The following PDE10A variants were observed in gnomAD, a reference collection of about 807,000 sequenced individuals.
PDE10A encodes the protein cAMP and cAMP-inhibited cGMP 3',5'-cyclic phosphodiesterase 10A.
PDE10A carries 39 observed loss-of-function variants against 97.7 expected under a neutral mutation model. The observed-to-expected ratio is 0.40, with a 90% CI of 0.31 to 0.52. PDE10A has a LOEUF of 0.52. PDE10A is among the 20% of genes least tolerant of loss of function. The probability of loss-of-function intolerance (pLI) is 0.56; values close to 1 mark genes in which losing one functional copy is unlikely to be tolerated. For missense variants in PDE10A, 731 were observed against 1,047.8 expected, an observed-to-expected ratio of 0.70 and a Z score of 4.17; for synonymous variants, 371 against 376.8, an observed-to-expected ratio of 0.98 and a Z score of 0.18.
intron 1 of PDE10A, among the ~76,000 whole-genome samples, chr6:165,650,928 G>A (rs1425135776): frequency 6.6e-6 from 1 of 152,132 alleles, no homozygotes; most frequent in African/African-American, 2.4e-5. Flanking sequence ...AGTAGAAATG[G>A]GTTTTCACCA....
intron 1 of PDE10A, among the ~76,000 whole-genome samples, chr6:165,911,857 G>A (rs1002550462): frequency 6.6e-6 from 1 of 152,148 alleles, no homozygotes; most frequent in Non-Finnish European, 1.5e-5. Context: ...TTTCCAAGGT[G>A]CTGTCCGGAG....
intron 1 of PDE10A, among the ~76,000 whole-genome samples, chr6:165,617,491 A>G (rs1415178511): frequency 6.6e-6 from 1 of 152,170 alleles, no homozygotes; most frequent in Non-Finnish European, 1.5e-5. Context: ...AATATGAACA[A>G]TTAAAATAAG....
chr6:165,567,994 A>ATTTTTTTTTTTTTTTTTTTTTTTTTT (rs386409260), intron 1 of PDE10A, among the ~76,000 whole-genome samples: 1 of 130,650 alleles, frequency 7.7e-6, no homozygotes. Flanking sequence ...GCAACAAGGC[A>ATTTTTTTTTTTTTTTTTTTTTTTTTT]TTTTTTTTTT....
intron 1 of PDE10A, among the ~76,000 whole-genome samples, chr6:165,646,583 G>T (rs367920176): frequency 6.6e-6 from 1 of 152,132 alleles, no homozygotes; most frequent in Non-Finnish European, 1.5e-5. Context: ...CATTCAGCAC[G>T]CGCTCAGTGA....
intron 8 of PDE10A, 135 bp downstream of exon 8, chr6:165,431,287 C>A (rs1183373239): frequency 4.0e-6 from 2 of 504,240 alleles, no homozygotes; most frequent in Non-Finnish European, 7.2e-6. Context: ...GTTAAAATTT[C>A]TAGAAATAAC....
chr6:165,406,228 A>ATGTGTGTGTGTGTG (rs3839483), intron 13 of PDE10A, among the ~76,000 whole-genome samples: 30,060 of 140,158 alleles, frequency 0.21, 3,244 homozygotes, highest in Middle Eastern at 0.29. Flanking sequence ...AGGGAAAAGG[A>ATGTGTGTGTGTGTG]TGTGTGTGTG....
intron 3 of PDE10A, among the ~76,000 whole-genome samples, chr6:165,457,065 A>G (rs938278059): frequency 2.0e-5 from 3 of 152,200 alleles, no homozygotes; most frequent in African/African-American, 7.2e-5. Flanking sequence ...TGAGGAGACA[A>G]ATTACGTGAA....
rs1336794349 is a variant in PDE10A, at chr6:165,836,585, A to G, written c.-615+150944T>C. On this transcript the variant is annotated intron_variant, in intron 1 of 19. Coordinates refer to the PDE10A transcript ENST00000366882. ...ATCTATGTACCAGGTTGTCTTCCAG[A>G]TGGGTCATTCAGAGAATCCTGCCTC... Among the ~76,000 whole-genome samples, 2 of 152,196 alleles carry G rather than the reference A, an allele frequency of 1.3e-5. 1 individual carries two copies. The highest frequency in any genetic ancestry group is 3.9e-4 in the East Asian group (2 of 5,184).
intron 1 of PDE10A, among the ~76,000 whole-genome samples, chr6:165,634,157 A>T (rs932893584): frequency 1.3e-5 from 2 of 152,082 alleles, no homozygotes; most frequent in Admixed American, 1.3e-4. Context: ...TTTTAGTATA[A>T]TTTCAGGCCA....
rs932170492 is a variant in PDE10A at position 165,683,962 on chromosome 6, G to A, written c.-614-140394C>T. ...CCTCAGATATACCAGGTACTGAGAC[G>A]GAAGCCTTGAGGCCTGAACACCTGC... On this transcript the variant is annotated intron_variant, in intron 1 of 19. Transcript: ENST00000366882. Among the ~76,000 whole-genome samples the A allele has an allele frequency of 6.6e-5, 10 of 152,128 alleles. No individual in the cohort carries two copies. In the East Asian group the frequency reaches 1.5e-3, roughly 23 times the overall value.
At chr6:165,422,967 T>C (rs1375022662) in intron 10 of PDE10A, among the ~76,000 whole-genome samples, 1 of 152,178 alleles carries the variant, frequency 6.6e-6, no homozygotes, top group African/African-American at 2.4e-5. Flanking sequence ...ATGTGCTTCA[T>C]TTATTATCTT....
At chr6:165,552,265 G>T (rs573710545) in intron 1 of PDE10A, among the ~76,000 whole-genome samples, 1 of 152,280 alleles carries the variant, frequency 6.6e-6, no homozygotes, top group Non-Finnish European at 1.5e-5. Flanking sequence ...ATAGCACAGT[G>T]CCTGGCTCTG....
At chr6:165,427,476 T>C (rs1204887925) in intron 10 of PDE10A, among the ~76,000 whole-genome samples, 2 of 151,896 alleles carry the variant, frequency 1.3e-5, no homozygotes, top group African/African-American at 4.8e-5. Context: ...CAAGTGGAAA[T>C]AGGGGCGTAA....
chr6:165,627,973 T>C (rs368733366), intron 1 of PDE10A, among the ~76,000 whole-genome samples: 26 of 152,198 alleles, frequency 1.7e-4, no homozygotes, highest in African/African-American at 6.3e-4. Context: ...ACTTTACACA[T>C]AATTGTGACA....
At chr6:165,900,352 A>C (rs1782069018) in intron 1 of PDE10A, among the ~76,000 whole-genome samples, 1 of 152,138 alleles carries the variant, frequency 6.6e-6, no homozygotes, top group African/African-American at 2.4e-5. Context: ...GGTGCCAGTA[A>C]TCCCAGCTAC....
At chr6:165,921,654 G>T (rs1330335464) in intron 1 of PDE10A, among the ~76,000 whole-genome samples, 1 of 152,202 alleles carries the variant, frequency 6.6e-6, no homozygotes, top group Admixed American at 6.5e-5. Flanking sequence ...GAAAGAGGCT[G>T]TTCCAAGCAA....
At chr6:165,818,215 C>T (rs1014727414) in intron 1 of PDE10A, among the ~76,000 whole-genome samples, 6 of 150,616 alleles carry the variant, frequency 4.0e-5, no homozygotes, top group African/African-American at 9.9e-5. Flanking sequence ...CCATCTCCTC[C>T]TCCTTATTCA....
At chr6:165,590,495 A>G (rs1786186934) in intron 1 of PDE10A, among the ~76,000 whole-genome samples, 2 of 152,210 alleles carry the variant, frequency 1.3e-5, no homozygotes, top group African/African-American at 4.8e-5. Flanking sequence ...TGACCCAACA[A>G]ACACCTTTTG....
chr6:165,792,210 G>C (rs1778675299), intron 1 of PDE10A, among the ~76,000 whole-genome samples: 1 of 152,180 alleles, frequency 6.6e-6, no homozygotes, highest in African/African-American at 2.4e-5. Context: ...TGTGAAACTT[G>C]AGCAAACAAC....
Sources: gnomAD v4.1 joint callset for allele counts (sites outside exome capture counted in the v4.1 genomes callset) on GRCh38, gnomAD v4.1.1 for gene constraint, MANE v1.5 for transcripts, NCBI Gene and HGNC (gene_info 2026-07-23, HGNC 2026-07-21) for gene names.